HIVEP3: variants seen among roughly 807,000 people sequenced by gnomAD.
The protein encoded by HIVEP3 is HIVEP zinc finger 3, also known as transcription factor HIVEP3.
In HIVEP3, 49 loss-of-function variants were observed where a neutral mutation model predicts 152.8. The observed-to-expected ratio is 0.32, with a 90% CI of 0.26 to 0.41. The LOEUF (loss-of-function observed/expected upper bound fraction) is 0.41, where lower values mean the gene tolerates loss of function less well. Ranked by LOEUF, HIVEP3 falls within the 10% of genes least tolerant of loss-of-function variation. The probability of loss-of-function intolerance (pLI) is 1.00; values close to 1 mark genes in which losing one functional copy is unlikely to be tolerated. For synonymous variants in HIVEP3, 1,269 were observed against 1,289.0 expected (o/e 0.98, Z 0.33); for missense variants, 2,790 against 3,103.3 (o/e 0.90, Z 2.40).
At chr1:41,739,134 C>T (rs1214800411) in intron 1 of HIVEP3, among the ~76,000 whole-genome samples, 1 of 152,258 alleles carries the variant, frequency 6.6e-6, no homozygotes, top group Non-Finnish European at 1.5e-5. Flanking sequence ...CAAAGTGTGG[C>T]AAAGCCCAAG....
intron 1 of HIVEP3, among the ~76,000 whole-genome samples, chr1:41,723,954 G>C (rs574789576): frequency 2.6e-5 from 4 of 152,324 alleles, no homozygotes; most frequent in African/African-American, 9.6e-5. Context: ...CTAGCAGCTC[G>C]GCTTTAGAGA....
chr1:41,700,873 GC>G, intron 2 of HIVEP3, 42 bp downstream of exon 2: 9 of 888,344 alleles, frequency 1.0e-5, no homozygotes, highest in Non-Finnish European at 1.2e-5. Flanking sequence ...TTTGGGCTGT[GC>G]TGAAACTGCC....
intron 1 of HIVEP3, among the ~76,000 whole-genome samples, chr1:41,724,752 C>T (rs1570402951): frequency 6.6e-6 from 1 of 152,378 alleles, no homozygotes; most frequent in East Asian, 1.9e-4. Context: ...CTGGTCTGCA[C>T]TAAGGGCACC....
chr1:41,846,616 T>C (rs1218617105), intron 1 of HIVEP3, among the ~76,000 whole-genome samples: 1 of 152,260 alleles, frequency 6.6e-6, no homozygotes, highest in Non-Finnish European at 1.5e-5. Context: ...TATTTTTTCC[T>C]TGGGACTTTC....
At chr1:41,585,646 G>T (rs935062041) in intron 3 of HIVEP3, among the ~76,000 whole-genome samples, 35 of 152,172 alleles carry the variant, frequency 2.3e-4, no homozygotes, top group African/African-American at 8.2e-4. Context: ...CAGAGGCCTG[G>T]GCTCTCATCT....
At chr1:41,923,184 A>AGG (rs1644950263), upstream of HIVEP3, among the ~76,000 whole-genome samples, 1 of 152,264 alleles carries the variant, frequency 6.6e-6, no homozygotes, top group Non-Finnish European at 1.5e-5. Context: ...AGTAATAAAA[A>AGG]CTGAATTTTA....
At chr1:42,035,577 G>C (rs11210564) in intron 1 of HIVEP3, among the ~76,000 whole-genome samples, 68,181 of 151,902 alleles carry the variant, frequency 0.45, 16,890 homozygotes, top group East Asian at 0.71. Context: ...AGGGGGGCTC[G>C]GGACAGCTCC....
At chr1:41,621,433 G>A (rs1449130586) in intron 3 of HIVEP3, among the ~76,000 whole-genome samples, 1 of 152,240 alleles carries the variant, frequency 6.6e-6, no homozygotes, top group Non-Finnish European at 1.5e-5. Flanking sequence ...TGTCTCCCAA[G>A]GGAGGGCCTG....
intron 1 of HIVEP3, among the ~76,000 whole-genome samples, chr1:41,994,909 A>C (rs1645386605): frequency 6.6e-6 from 1 of 152,100 alleles, no homozygotes; most frequent in Non-Finnish European, 1.5e-5. Flanking sequence ...AAGAAAAAAA[A>C]GGATCAATGA....
At chr1:41,622,004 T>C (rs1645054059) in intron 3 of HIVEP3, among the ~76,000 whole-genome samples, 1 of 152,252 alleles carries the variant, frequency 6.6e-6, no homozygotes, top group Non-Finnish European at 1.5e-5. Flanking sequence ...CCTGCCTGGA[T>C]TGCTGGCTGG....
At chr1:41,955,988 C>A (rs1265070808) in intron 1 of HIVEP3, among the ~76,000 whole-genome samples, 1 of 152,222 alleles carries the variant, frequency 6.6e-6, no homozygotes, top group African/African-American at 2.4e-5. Flanking sequence ...TCCTTTCACT[C>A]CTGAATGATT....
intron 1 of HIVEP3, among the ~76,000 whole-genome samples, chr1:41,865,998 T>C (rs1471688417): frequency 6.6e-6 from 1 of 152,200 alleles, no homozygotes; most frequent in East Asian, 1.9e-4. Context: ...CTTCTGTGCC[T>C]TCTCTCCCCG....
intron 5 of HIVEP3, among the ~76,000 whole-genome samples, chr1:41,549,185 C>T (rs1412959606): frequency 5.3e-5 from 8 of 152,254 alleles, no homozygotes; most frequent in African/African-American, 1.4e-4. Flanking sequence ...CATCCATGTC[C>T]CCACAAAGGA....
chr1:41,789,948 G>A (rs1224994284), intron 1 of HIVEP3, among the ~76,000 whole-genome samples: 3 of 152,194 alleles, frequency 2.0e-5, no homozygotes, highest in African/African-American at 4.8e-5. Context: ...AGGATCACAC[G>A]TAACACCCAG....
In HIVEP3 at chr1:41,864,021, A is replaced by G. The variant is rs113592394; in HGVS notation, c.-801+54392T>C. ...CCATCCTGGAATCAGACGTGGAGAGAGGTGAAGATTCCATCCTCTGCACCA... is the reference window on the plus strand; with the variant it reads ...CCATCCTGGAATCAGACGTGGAGAGGGGTGAAGATTCCATCCTCTGCACCA... On this transcript the variant is annotated intron_variant, in intron 1 of 8. Transcript: ENST00000372583. Among the ~76,000 whole-genome samples the G allele has an allele frequency of 4.4e-3, 674 of 152,310 alleles. 4 individuals carry two copies. Among genetic ancestry groups the G allele is most frequent in the African/African-American group, 0.015 (637 of 41,572 alleles).
intron 1 of HIVEP3, among the ~76,000 whole-genome samples, chr1:41,730,400 C>T (rs902964754): frequency 6.6e-6 from 1 of 152,164 alleles, no homozygotes; most frequent in Non-Finnish European, 1.5e-5. Context: ...CCCGGAAGTG[C>T]TGGGCCTGCA....
chr1:41,904,964 T>G (rs1392201095), intron 1 of HIVEP3, among the ~76,000 whole-genome samples: 1 of 152,236 alleles, frequency 6.6e-6, no homozygotes, highest in Non-Finnish European at 1.5e-5. Flanking sequence ...GACAGTTACA[T>G]TCTTGATAGA....
chr1:41,674,502 G>A (rs1270416641), intron 2 of HIVEP3, among the ~76,000 whole-genome samples: 4 of 152,198 alleles, frequency 2.6e-5, no homozygotes, highest in African/African-American at 9.7e-5. Flanking sequence ...AAAGGAGAAA[G>A]GGCAGAGGAA....
intron 1 of HIVEP3, among the ~76,000 whole-genome samples, chr1:41,750,703 CTT>C (rs11403164): frequency 1.4e-5 from 2 of 146,106 alleles, no homozygotes; most frequent in African/African-American, 2.5e-5. Context: ...GCCCAGTGCA[CTT>C]TTTTTTTTTT....
Sources: allele counts gnomAD v4.1 joint callset (sites outside exome capture counted in the v4.1 genomes callset), GRCh38; gene constraint gnomAD v4.1.1; transcripts MANE v1.5; gene names NCBI Gene and HGNC (gene_info 2026-07-23, HGNC 2026-07-21).